The following ITGA11 variants were observed in gnomAD, a reference collection of about 807,000 sequenced individuals.
The protein encoded by ITGA11 is integrin alpha-11.
In ITGA11, 97 loss-of-function variants were observed where a neutral mutation model predicts 141.9. The ratio of observed to expected loss-of-function variants is 0.68; its 90% CI spans 0.58 to 0.81. ITGA11 has a LOEUF of 0.81. Ranked by LOEUF, ITGA11 falls within the 30% of genes least tolerant of loss-of-function variation. ITGA11 has a pLI of 0.00. For missense variants in ITGA11, 1,387 were observed against 1,559.2 expected, an observed-to-expected ratio of 0.89 and a Z score of 1.86; for synonymous variants, 658 against 624.6, an observed-to-expected ratio of 1.05 and a Z score of -0.80.
chr15:68,361,254 T>C (rs1271262994), intron 5 of ITGA11, among the ~76,000 whole-genome samples: 3 of 152,210 alleles, frequency 2.0e-5, no homozygotes, highest in African/African-American at 2.4e-5. Context: ...TCCCCCAGAA[T>C]TGTGCAGTGC....
At chr15:68,422,048 A>G (rs1251570397) in intron 1 of ITGA11, among the ~76,000 whole-genome samples, 1 of 152,070 alleles carries the variant, frequency 6.6e-6, no homozygotes, top group Non-Finnish European at 1.5e-5. Flanking sequence ...CCGAATTTGA[A>G]TTCTCTTTAA....
intron 2 of ITGA11, among the ~76,000 whole-genome samples, chr15:68,373,091 T>C (rs1895637475): frequency 6.6e-6 from 1 of 152,194 alleles, no homozygotes; most frequent in Non-Finnish European, 1.5e-5. Flanking sequence ...ATAGTCCCTG[T>C]GGTGTGTGTA....
In ITGA11 at chr15:68,311,400, G is replaced by T; in HGVS notation, c.2977C>A (p.Gln993Lys). ...GPPFSCIFRI[Q>K]NLGLFPIHGM... ...TGGATGGGGAACAAGCCCAAGTTCTGGATCTGTGGCCAGAGACAGGGAGGT... is the reference window on the plus strand; with the variant it reads ...TGGATGGGGAACAAGCCCAAGTTCTTGATCTGTGGCCAGAGACAGGGAGGT... Residue 993 changes from glutamine to lysine, a missense_variant, in exon 25 of 30, where the codon CAG becomes AAG. Transcript: ENST00000315757. 6.4e-7 allele frequency: 1 copy of T among 1,557,100 alleles called. No homozygotes were observed. Among genetic ancestry groups the T allele is most frequent in the Non-Finnish European group, 8.7e-7 (1 of 1,148,774 alleles).
intron 11 of ITGA11, among the ~76,000 whole-genome samples, chr15:68,336,623 G>A (rs1484551085): frequency 1.3e-5 from 2 of 152,194 alleles, no homozygotes; most frequent in African/African-American, 4.8e-5. Context: ...CTGAAAGTGG[G>A]CTCCAGCAGG....
Position 68,339,979 on chromosome 15 carries a change from G to A in ITGA11, c.1132-335C>T, listed in dbSNP as rs541764259. On this transcript the variant is annotated intron_variant, in intron 10 of 29. Transcript: ENST00000315757. Reference sequence around the variant, plus strand: ...TTCAAAACCCTTTAGGGACCGTCTCGCCACTGTCCACTCCTTCTGACATGT... The same window carrying A: ...TTCAAAACCCTTTAGGGACCGTCTCACCACTGTCCACTCCTTCTGACATGT... 3.9e-5 allele frequency among the ~76,000 whole-genome samples: 6 copies of A among 152,168 alleles called. No individual in the cohort carries two copies. In the South Asian group the frequency reaches 6.2e-4, roughly 16 times the overall value.
Position 68,324,337 on chromosome 15 carries a change from C to T in ITGA11, c.2322+794G>A, listed in dbSNP as rs961659299. On this transcript the variant is annotated intron_variant, in intron 18 of 29. Coordinates refer to ENST00000315757, the MANE Select transcript of ITGA11 (RefSeq NM_001004439.2). This position sits in a 1 kb window ranked among gnomAD's most constrained non-coding sequence, Gnocchi z 6.3. The stretch of plus-strand genomic sequence containing the variant: ...GAATAATTCTGAAACTGCTTCCTGG[C>T]TGGACTCTGTCACTCACACAGACGT... 1.3e-5 allele frequency among the ~76,000 whole-genome samples: 2 copies of T among 152,132 alleles called. No homozygotes were observed. The highest frequency in any genetic ancestry group is 2.4e-5 in the African/African-American group (1 of 41,410).
rs1555444378 is a variant in ITGA11 at position 68,297,432 on chromosome 15, C to CATTTTTT, written c.*5626_*5627insAAAAAAT. The CATTTTTT allele has an allele frequency of 1.0e-5, 1 of 95,830 alleles. No individual in the cohort carries two copies. Among genetic ancestry groups the CATTTTTT allele is most frequent in the African/African-American group, 4.1e-5 (1 of 24,292 alleles). The allele number at this position is 95,830 out of a possible 1,614,324, so 5.9% of individuals were successfully genotyped here. On this transcript the variant is annotated 3_prime_UTR_variant, in exon 30 of 30. Coordinates refer to ENST00000315757, the MANE Select transcript of ITGA11 (RefSeq NM_001004439.2). The stretch of plus-strand genomic sequence containing the variant: ...ATCTGTACAGTTCTGCACTTCTGAG[C>CATTTTTT]TTTTTTTTTTTTTTTTTTTTTATCC...
intron 22 of ITGA11, 74 bp downstream of exon 22, chr15:68,315,577 G>A (rs2140278919): frequency 8.1e-7 from 1 of 1,229,986 alleles, no homozygotes; most frequent in East Asian, 2.5e-5. Flanking sequence ...GTCGGGAGGA[G>A]CAGTTGCTAG....
intron 1 of ITGA11, among the ~76,000 whole-genome samples, chr15:68,418,573 C>T (rs888760770): frequency 1.5e-5 from 2 of 135,682 alleles, no homozygotes; most frequent in African/African-American, 5.3e-5. Flanking sequence ...ACCCACCCCC[C>T]CACCCCCTTC....
chr15:68,303,170 G>T lies in ITGA11; in HGVS notation c.3496-40C>A, dbSNP rs777364986. On this transcript the variant is annotated intron_variant, in intron 29 of 29. Transcript: ENST00000315757. This position sits in a 1 kb window ranked among gnomAD's most constrained non-coding sequence, Gnocchi z 5.3. ...AGGGAGACGTCTCAGAGGAGGACAG[G>T]GTGGGCAAGGCCTGCCCCAGCTTTC... 1.8e-5 allele frequency: 28 copies of T among 1,524,104 alleles called. No homozygotes were observed. The highest frequency in any genetic ancestry group is 4.1e-5 in the Admixed American group (2 of 49,374). The allele number at this position is 1,524,104 out of a possible 1,614,324, so 94.4% of individuals were successfully genotyped here.
intron 2 of ITGA11, among the ~76,000 whole-genome samples, chr15:68,384,129 G>A (rs1460294763): frequency 6.6e-6 from 1 of 152,064 alleles, no homozygotes; most frequent in Non-Finnish European, 1.5e-5. Context: ...CCTGAGGACT[G>A]GCCTTAGAGG....
chr15:68,315,586 A>G, intron 22 of ITGA11, 65 bp downstream of exon 22: 1 of 1,357,644 alleles, frequency 7.4e-7, no homozygotes, highest in African/African-American at 1.4e-5. Context: ...AGCAGTTGCT[A>G]GCAGCCAGAG....
At chr15:68,358,096 C>T (rs191856262) in intron 6 of ITGA11, among the ~76,000 whole-genome samples, 165 of 152,334 alleles carry the variant, frequency 1.1e-3, no homozygotes, top group Non-Finnish European at 1.5e-3. Flanking sequence ...CTTACCTCTC[C>T]TACCATCTTC....
intron 5 of ITGA11, among the ~76,000 whole-genome samples, chr15:68,359,863 T>C (rs72743270): frequency 0.077 from 11,794 of 152,268 alleles, 997 homozygotes; most frequent in African/African-American, 0.21. Flanking sequence ...TTTTTATTGG[T>C]GACTTTTTAT....
At chr15:68,366,404 C>G (rs999144472) in intron 3 of ITGA11, among the ~76,000 whole-genome samples, 1 of 152,086 alleles carries the variant, frequency 6.6e-6, no homozygotes, top group Admixed American at 6.5e-5. Context: ...ACGTTTCATC[C>G]CGAGTTCTGT....
At chr15:68,314,313 T>C (rs558405493) in intron 22 of ITGA11, among the ~76,000 whole-genome samples, 3 of 152,264 alleles carry the variant, frequency 2.0e-5, no homozygotes, top group South Asian at 2.1e-4. Context: ...ATCCCTGGAC[T>C]GACCGGGGGC....
At chr15:68,364,647 A>ACCCCAACCCCCCCCCCCCCCCCC in intron 4 of ITGA11, 60 bp downstream of exon 4, 1 of 904,830 alleles carries the variant, frequency 1.1e-6, no homozygotes, top group Non-Finnish European at 1.8e-6. Flanking sequence ...GAGACGCTCC[A>ACCCCAACCCCCCCCCCCCCCCCC]CCCCTCCCCA....
chr15:68,408,736 A>G (rs1158369727), intron 1 of ITGA11, among the ~76,000 whole-genome samples: 1 of 152,136 alleles, frequency 6.6e-6, no homozygotes, highest in African/African-American at 2.4e-5. Flanking sequence ...GGAGCCGGGG[A>G]AAAGAAGAGA....
intron 2 of ITGA11, among the ~76,000 whole-genome samples, chr15:68,372,927 T>C (rs1287582608): frequency 6.6e-6 from 1 of 152,240 alleles, no homozygotes; most frequent in African/African-American, 2.4e-5. Context: ...CCCCTAATTA[T>C]GTGTAAGTGT....
Sources: allele counts gnomAD v4.1 joint callset (sites outside exome capture counted in the v4.1 genomes callset), GRCh38; gene constraint gnomAD v4.1.1; non-coding constraint Gnocchi (gnomAD v3.1); transcripts MANE v1.5; gene names NCBI Gene and HGNC (gene_info 2026-07-23, HGNC 2026-07-21).